Variants in SPHKAP observed in about 807,000 individuals in gnomAD.
SPHKAP encodes the protein A-kinase anchor protein SPHKAP.
SPHKAP carries 67 observed loss-of-function variants against 137.5 expected under a neutral mutation model. The ratio of observed to expected loss-of-function variants is 0.49; its 90% CI spans 0.40 to 0.60. The LOEUF (loss-of-function observed/expected upper bound fraction) is 0.60. SPHKAP is among the 20% of genes least tolerant of loss of function. The probability of loss-of-function intolerance (pLI) is 0.00; values close to 1 mark genes in which losing one functional copy is unlikely to be tolerated. For missense variants in SPHKAP, 2,097 were observed against 2,069.3 expected, an observed-to-expected ratio of 1.01 and a Z score of -0.26; for synonymous variants, 813 against 785.3, an observed-to-expected ratio of 1.04 and a Z score of -0.59.
At chr2:227,993,978 G>C in intron 8 of SPHKAP, 1 of 884,152 alleles carries the variant, frequency 1.1e-6, no homozygotes, top group Non-Finnish European at 1.4e-6. Flanking sequence ...CTATCGGCAA[G>C]AGATTTCTTG....
intron 11 of SPHKAP, among the ~76,000 whole-genome samples, chr2:227,987,739 A>G (rs983649737): frequency 3.7e-4 from 56 of 152,152 alleles, no homozygotes; most frequent in African/African-American, 1.3e-3. Flanking sequence ...CAGTGGTGGG[A>G]AAGATGAGCT....
chr2:228,139,490 C>A (rs1439806455), intron 1 of SPHKAP, among the ~76,000 whole-genome samples: 1 of 152,058 alleles, frequency 6.6e-6, no homozygotes, highest in Non-Finnish European at 1.5e-5. Context: ...ACAATCTGTG[C>A]TTTGTAAATT....
At chr2:228,119,241 A>G (rs1378852974) in intron 2 of SPHKAP, among the ~76,000 whole-genome samples, 1 of 152,100 alleles carries the variant, frequency 6.6e-6, no homozygotes, top group Non-Finnish European at 1.5e-5. Context: ...GGAGGAAGTG[A>G]TGGGAAATGA....
At chr2:228,098,600 C>A (rs896841883) in intron 3 of SPHKAP, among the ~76,000 whole-genome samples, 4 of 151,496 alleles carry the variant, frequency 2.6e-5, no homozygotes, top group African/African-American at 9.7e-5. Flanking sequence ...CATCACACAC[C>A]AGGGCCTGTT....
chr2:228,065,573 A>G (rs1696797908), intron 3 of SPHKAP, among the ~76,000 whole-genome samples: 1 of 152,150 alleles, frequency 6.6e-6, no homozygotes, highest in Admixed American at 6.6e-5. Flanking sequence ...AATGGGTTCA[A>G]ATTCTATTTT....
At chr2:228,029,897 GC>G (rs1162957495) in intron 3 of SPHKAP, among the ~76,000 whole-genome samples, 1 of 151,988 alleles carries the variant, frequency 6.6e-6, no homozygotes, top group Non-Finnish European at 1.5e-5. Flanking sequence ...TTATTATCAT[GC>G]ATCACAGTGG....
rs541059601 is a variant in SPHKAP, at chr2:228,152,354, C to A, written c.33-20269G>T. On this transcript the variant is annotated intron_variant, in intron 1 of 11. Transcript: ENST00000392056. Reference sequence around the variant, plus strand: ...TGAATAGAAACTTAAAATAGCATATCTTGCTGGCAATGTAGGTCTTTACCA... The same window carrying A: ...TGAATAGAAACTTAAAATAGCATATATTGCTGGCAATGTAGGTCTTTACCA... Among the ~76,000 whole-genome samples the A allele has an allele frequency of 9.9e-5, 15 of 152,214 alleles. No individual in the cohort carries two copies. In the South Asian group the frequency reaches 1.9e-3, roughly 19 times the overall value.
chr2:228,001,464 CGT>C (rs528443036), intron 7 of SPHKAP, among the ~76,000 whole-genome samples: 82 of 134,108 alleles, frequency 6.1e-4, no homozygotes, highest in African/African-American at 2.1e-3. Context: ...CGAATATATA[CGT>C]ATATATAAAA....
intron 3 of SPHKAP, among the ~76,000 whole-genome samples, chr2:228,074,660 C>T (rs1428822309): frequency 1.3e-5 from 2 of 152,084 alleles, no homozygotes; most frequent in Non-Finnish European, 2.9e-5. Context: ...ACCATATCAG[C>T]CCACGAGAAA....
rs1397948086 is a variant in SPHKAP, at chr2:227,980,357, T to C, written c.*1360A>G. ...TTCAAAATGTGGATGATAGAGAAGG[T>C]GAGGCCAGCATTCATGGTATGGGAA... On this transcript the variant is annotated 3_prime_UTR_variant, in exon 12 of 12. Coordinates refer to ENST00000392056, the MANE Select transcript of SPHKAP (RefSeq NM_001142644.2). The C allele has an allele frequency of 2.0e-5, 3 of 152,178 alleles. No individual in the cohort carries two copies. Among genetic ancestry groups the C allele is most frequent in the African/African-American group, 7.2e-5 (3 of 41,450 alleles). The allele number at this position is 152,178 out of a possible 1,614,324, so 9.4% of individuals were successfully genotyped here. A position where few individuals can be genotyped will look rare whatever the true frequency, so the allele number is the denominator to read the frequency against.
intron 1 of SPHKAP, among the ~76,000 whole-genome samples, chr2:228,177,600 C>A (rs915935814): frequency 2.6e-5 from 4 of 152,060 alleles, no homozygotes; most frequent in Admixed American, 2.0e-4. Flanking sequence ...ATCAGTTAAC[C>A]TTTCTATAAA....
chr2:228,091,778 G>T (rs1282746971), intron 3 of SPHKAP, among the ~76,000 whole-genome samples: 1 of 152,078 alleles, frequency 6.6e-6, no homozygotes, highest in Admixed American at 6.6e-5. Context: ...ATAGATGTTG[G>T]CATAAATGTG....
chr2:227,994,252 C>T (rs558919864), intron 8 of SPHKAP: 1,792 of 166,780 alleles, frequency 0.011, 13 homozygotes, highest in Non-Finnish European at 0.015. Flanking sequence ...CACCTGGTAC[C>T]TTTTTTACTG....
Position 227,981,632 on chromosome 2 carries a change from G to C in SPHKAP, c.*85C>G. 1.4e-6 allele frequency: 2 copies of C among 1,474,244 alleles called. No individual in the cohort carries two copies. Among genetic ancestry groups the C allele is most frequent in the East Asian group, 4.8e-5 (2 of 41,732 alleles). 91.3% of individuals were successfully genotyped at this position (1,474,244 alleles called of 1,614,324 possible). On this transcript the variant is annotated 3_prime_UTR_variant, in exon 12 of 12. Coordinates refer to ENST00000392056, the MANE Select transcript of SPHKAP (RefSeq NM_001142644.2). ...TTCTGCTAATGTGATGTGATGTTTT[G>C]AGAATGTTTAGAGCATTTAGAACAA... is the stretch of plus-strand genomic sequence containing the variant.
Position 228,017,540 on chromosome 2 carries a change from G to C in SPHKAP, c.3314C>G (p.Thr1105Arg). The change falls in exon 7 of 12, where the codon ACG becomes AGG. Residue 1105 changes from threonine (T) to arginine (R), a missense_variant. Coordinates refer to ENST00000392056, the MANE Select transcript of SPHKAP (RefSeq NM_001142644.2). ...AYVNSLGLMS[T>R]LSQPVSRASS... is the part of the protein sequence containing the mutation. ...GGCCCTGCTGACCGGCTGGCTCAGC[G>C]TGCTCATTAAGCCCAGGCTGTTGAC... The C allele has an allele frequency of 1.9e-6, 3 of 1,613,182 alleles. No homozygotes were observed. Among genetic ancestry groups the C allele is most frequent in the Non-Finnish European group, 2.5e-6 (3 of 1,179,752 alleles).
chr2:228,021,631 C>A, intron 6 of SPHKAP, 80 bp downstream of exon 6: 1 of 1,518,970 alleles, frequency 6.6e-7, no homozygotes, highest in South Asian at 1.3e-5. Context: ...ACTGATGTGG[C>A]CTGGAACTTT....
intron 3 of SPHKAP, among the ~76,000 whole-genome samples, chr2:228,071,165 C>T (rs1174983322): frequency 6.6e-6 from 1 of 152,164 alleles, no homozygotes; most frequent in African/African-American, 2.4e-5. Flanking sequence ...ATGGGTAGTC[C>T]TGGTCAGAAA....
intron 7 of SPHKAP, among the ~76,000 whole-genome samples, chr2:227,998,511 AAC>A: frequency 6.6e-6 from 1 of 152,272 alleles, no homozygotes; most frequent in South Asian, 2.1e-4. Context: ...TGACAGTAAA[AAC>A]AGTCACTTGA....
chr2:228,155,258 G>A (rs893512703), intron 1 of SPHKAP, among the ~76,000 whole-genome samples: 2 of 152,000 alleles, frequency 1.3e-5, no homozygotes, highest in Admixed American at 6.6e-5. Flanking sequence ...AGTTCGTGGA[G>A]TAAGAATTAT....
Sources: allele counts gnomAD v4.1 joint callset (sites outside exome capture counted in the v4.1 genomes callset), GRCh38; gene constraint gnomAD v4.1.1; transcripts MANE v1.5; gene names NCBI Gene and HGNC (gene_info 2026-07-23, HGNC 2026-07-21).